Variants in ASTN2 observed in about 807,000 individuals in gnomAD.
ASTN2 encodes the protein astrotactin 2.
In ASTN2, 54 loss-of-function variants were observed where a neutral mutation model predicts 139.8. The ratio of observed to expected loss-of-function variants is 0.39; its 90% CI spans 0.31 to 0.48. ASTN2 has a LOEUF of 0.48. Ranked by LOEUF, ASTN2 falls within the 20% of genes least tolerant of loss-of-function variation. The pLI is 0.95. For synonymous variants in ASTN2, 756 were observed against 719.5 expected (o/e 1.05, Z -0.81); for missense variants, 1,565 against 1,725.1 (o/e 0.91, Z 1.64).
intron 5 of ASTN2, among the ~76,000 whole-genome samples, chr9:117,064,588 G>A (rs1160050258): frequency 6.6e-6 from 1 of 152,120 alleles, no homozygotes; most frequent in African/African-American, 2.4e-5. Context: ...ACTTATAAGT[G>A]GGAGCTAAAC....
At position 116,883,779 on chromosome 9, in the gene ASTN2, CAGG is replaced by C. The variant is rs1833517458; in HGVS notation, c.1890-20049_1890-20047del. Among the ~76,000 whole-genome samples, 6 of 152,312 alleles carry C rather than the reference CAGG, an allele frequency of 3.9e-5. No individual in the cohort carries two copies. In the South Asian group the frequency reaches 1.2e-3, roughly 32 times the overall value. On this transcript the variant is annotated intron_variant, in intron 10 of 22. Coordinates refer to ENST00000313400, the MANE Select transcript of ASTN2 (RefSeq NM_001365068.1). The stretch of plus-strand genomic sequence containing the variant: ...TTTGCAGACTGATGCAGGCCAGGCA[CAGG>C]AGATTTCTAGACAGAGCAATGGCAT...
At chr9:116,750,302 A>G (rs1200803989) in intron 13 of ASTN2, among the ~76,000 whole-genome samples, 1 of 152,230 alleles carries the variant, frequency 6.6e-6, no homozygotes, top group Non-Finnish European at 1.5e-5. Context: ...TTGAATGTTA[A>G]CATTTAAAAC....
intron 19 of ASTN2, among the ~76,000 whole-genome samples, chr9:116,581,105 G>C (rs1265948559): frequency 6.6e-6 from 1 of 152,136 alleles, no homozygotes; most frequent in Non-Finnish European, 1.5e-5. Context: ...TCAAGTTCTG[G>C]TTGACCTTCC....
At chr9:117,255,153 G>A (rs1206764511) in intron 2 of ASTN2, among the ~76,000 whole-genome samples, 1 of 152,208 alleles carries the variant, frequency 6.6e-6, no homozygotes, top group Non-Finnish European at 1.5e-5. Context: ...ACTATTTAGA[G>A]TTGACATTAA....
chr9:117,251,206 C>T (rs896853723), intron 2 of ASTN2, among the ~76,000 whole-genome samples: 2 of 152,080 alleles, frequency 1.3e-5, no homozygotes, highest in African/African-American at 4.8e-5. Context: ...TCAGCTCTGT[C>T]CCTCTGCCTG....
intron 13 of ASTN2, among the ~76,000 whole-genome samples, chr9:116,793,973 A>G (rs529191377): frequency 6.6e-6 from 1 of 152,070 alleles, no homozygotes; most frequent in African/African-American, 2.4e-5. Context: ...GGAGTGTCCA[A>G]TTTTTTGGCT....
intron 1 of ASTN2, among the ~76,000 whole-genome samples, chr9:117,375,453 T>G (rs1448436391): frequency 1.3e-5 from 2 of 152,226 alleles, no homozygotes; most frequent in Non-Finnish European, 2.9e-5. Flanking sequence ...TTCACAGTCG[T>G]AGGTCAAGGA....
intron 1 of ASTN2, among the ~76,000 whole-genome samples, chr9:117,341,476 T>A (rs1829059509): frequency 1.3e-5 from 2 of 152,130 alleles, no homozygotes; most frequent in Non-Finnish European, 2.9e-5. Context: ...GGGATAATAA[T>A]AATTTTTTGA....
chr9:116,609,326 C>CTATA lies in ASTN2; in HGVS notation c.3355+8997_3355+8998insTATA, dbSNP rs549657082. Among the ~76,000 whole-genome samples, 692 of 113,566 alleles carry CTATA rather than the reference C, an allele frequency of 6.1e-3. 25 individuals are homozygous for CTATA. The East Asian group carries it at 0.099, about 16-fold the overall frequency. The allele number at this position is 113,566 out of a possible 152,430, so 74.5% of individuals were successfully genotyped here. A position where few individuals can be genotyped will look rare whatever the true frequency, so the allele number is the denominator to read the frequency against. On this transcript the variant is annotated intron_variant, in intron 19 of 22. Transcript: ENST00000313400. ...TCTCTCTCTCTCTCTCTCTCTCTCT[C>CTATA]TCTATATATATATACACACACACAC...
At position 116,442,505 on chromosome 9, in the gene ASTN2, G is replaced by T; in HGVS notation, c.3546C>A (p.Ser1182Arg). 1 of 1,614,164 alleles carries T rather than the reference G, an allele frequency of 6.2e-7. No homozygotes were observed. The highest frequency in any genetic ancestry group is 8.5e-7 in the Non-Finnish European group (1 of 1,180,040). The change falls in exon 21 of 23, where the codon AGC (serine) becomes AGA (arginine). Residue 1182 changes from serine (S) to arginine (R), a missense_variant. By Grantham distance (110) the Ser-to-Arg change is moderately radical. This residue lies in a region of ASTN2 where 418 missense variants were observed against 465.8 expected (regional missense o/e 0.90). Transcript: ENST00000313400. ...GACAGGCCGTCCTCAGGGTCACCGT[G>T]CTTAGCTCTGAGTGCCTCCCTCGTG... ...VDTRGRHSELSTVTLRTACPL... is the reference protein window; with the variant it reads ...VDTRGRHSELRTVTLRTACPL...
At chr9:116,830,415 T>G (rs375239330) in intron 11 of ASTN2, among the ~76,000 whole-genome samples, 4 of 6,792 alleles carry the variant, frequency 5.9e-4, no homozygotes, top group African/African-American at 1.6e-3. Flanking sequence ...AGTATGAAGG[T>G]TTTTTTTTAA....
At chr9:117,016,620 C>A (rs369444914) in intron 6 of ASTN2, among the ~76,000 whole-genome samples, 8,563 of 15,906 alleles carry the variant, frequency 0.54, 1,782 homozygotes, top group Middle Eastern at 0.72. Context: ...CTATATCTAT[C>A]TATCTATATA....
chr9:117,337,122 A>C (rs1331651777), intron 1 of ASTN2, among the ~76,000 whole-genome samples: 1 of 152,190 alleles, frequency 6.6e-6, no homozygotes, highest in African/African-American at 2.4e-5. Flanking sequence ...TGCAAATCAC[A>C]CCTTAGGTGA....
At chr9:116,928,660 T>G (rs533922217) in intron 10 of ASTN2, among the ~76,000 whole-genome samples, 361 of 151,948 alleles carry the variant, frequency 2.4e-3, no homozygotes, top group Non-Finnish European at 4.6e-3. Context: ...AAAACTGTAT[T>G]AAAAGAGTTG....
At chr9:116,556,329 G>A (rs1295599015) in intron 19 of ASTN2, among the ~76,000 whole-genome samples, 1 of 152,126 alleles carries the variant, frequency 6.6e-6, no homozygotes, top group Non-Finnish European at 1.5e-5. Flanking sequence ...TTTTTAAGCT[G>A]TAGGGCTCTT....
At chr9:116,980,581 A>G (rs964161958) in intron 7 of ASTN2, among the ~76,000 whole-genome samples, 4 of 152,242 alleles carry the variant, frequency 2.6e-5, no homozygotes, top group African/African-American at 9.6e-5. Flanking sequence ...TAGATCACTC[A>G]TCACTTCTGA....
chr9:116,511,345 G>A (rs1315614506), intron 19 of ASTN2, among the ~76,000 whole-genome samples: 1 of 152,172 alleles, frequency 6.6e-6, no homozygotes, highest in East Asian at 1.9e-4. Flanking sequence ...GCATCCCAGG[G>A]ATGAAGCCCA....
intron 3 of ASTN2, among the ~76,000 whole-genome samples, chr9:117,193,249 A>G (rs1831395711): frequency 6.6e-6 from 1 of 152,156 alleles, no homozygotes; most frequent in Non-Finnish European, 1.5e-5. Context: ...TTAAAATGCA[A>G]AATTCAAACA....
chr9:116,828,823 G>A (rs944784398), intron 11 of ASTN2, among the ~76,000 whole-genome samples: 1 of 152,034 alleles, frequency 6.6e-6, no homozygotes, highest in Non-Finnish European at 1.5e-5. Flanking sequence ...ACTCTATCAA[G>A]TTTCAAGATA....
Sources: allele counts gnomAD v4.1 joint callset (sites outside exome capture counted in the v4.1 genomes callset), GRCh38; gene constraint gnomAD v4.1.1; regional missense constraint gnomAD v4.1.1; transcripts MANE v1.5; gene names NCBI Gene and HGNC (gene_info 2026-07-23, HGNC 2026-07-21).